Variants in KHDRBS2 observed in about 807,000 individuals in gnomAD.
KHDRBS2 encodes KH domain-containing, RNA-binding, signal transduction-associated protein 2.
In KHDRBS2, 26 loss-of-function variants were observed where a neutral mutation model predicts 44.3. The observed-to-expected ratio is 0.59, with a 90% CI of 0.43 to 0.81. The LOEUF is 0.81. KHDRBS2 is among the 40% of genes least tolerant of loss of function. KHDRBS2 has a pLI of 0.00. For synonymous variants in KHDRBS2, 194 were observed against 151.1 expected (o/e 1.28, Z -2.08); for missense variants, 476 against 433.1 (o/e 1.10, Z -0.88).
At chr6:61,770,008 C>T (rs1035891494) in intron 6 of KHDRBS2, among the ~76,000 whole-genome samples, 1 of 152,162 alleles carries the variant, frequency 6.6e-6, no homozygotes, top group African/African-American at 2.4e-5. Flanking sequence ...AACGATCAGG[C>T]AGCAGCATCT....
intron 8 of KHDRBS2, among the ~76,000 whole-genome samples, chr6:61,695,011 CT>C (rs149063932): frequency 1.3e-5 from 2 of 152,014 alleles, no homozygotes; most frequent in African/African-American, 4.8e-5. Context: ...TAATTATTTA[CT>C]TTTTTTCCTG....
chr6:62,048,136 A>T, intron 2 of KHDRBS2, 142 bp from the exon 3 acceptor site: 1 of 593,418 alleles, frequency 1.7e-6, no homozygotes. Context: ...ACACACACAC[A>T]CACACACACA....
At position 61,893,850 on chromosome 6, in the gene KHDRBS2, T is replaced by C. The variant is rs1583374939; in HGVS notation, c.810+785A>G. Among the ~76,000 whole-genome samples the C allele has an allele frequency of 2.0e-5, 3 of 151,940 alleles. 1 individual carries two copies. In the South Asian group the frequency reaches 6.2e-4, roughly 32 times the overall value. On this transcript the variant is annotated intron_variant, in intron 6 of 8. Coordinates refer to ENST00000281156, the MANE Select transcript of KHDRBS2 (RefSeq NM_152688.4). ...CCAACATGGCATATGTAAACATATG[T>C]AACAAACCTGCACGTTGTGCACATG...
At chr6:61,566,837 T>A in the KHDRBS2 span, among the ~76,000 whole-genome samples, 1 of 152,162 alleles carries the variant, frequency 6.6e-6, no homozygotes, top group Admixed American at 6.6e-5. Flanking sequence ...GCATCAAAGA[T>A]GTCCTAAACT....
intron 2 of KHDRBS2, among the ~76,000 whole-genome samples, chr6:62,094,747 G>A (rs928493687): frequency 2.6e-5 from 4 of 151,858 alleles, no homozygotes; most frequent in Non-Finnish European, 5.9e-5. Flanking sequence ...TATGGTGAGA[G>A]TTAAGAATCT....
chr6:61,743,670 G>A (rs2127565113), intron 6 of KHDRBS2, among the ~76,000 whole-genome samples: 2 of 151,946 alleles, frequency 1.3e-5, no homozygotes. Flanking sequence ...TAGGGTACAT[G>A]TGCACAACGT....
In KHDRBS2 at chr6:62,129,662, C is replaced by T. The variant is rs144606442; in HGVS notation, c.219+47523G>A. Among the ~76,000 whole-genome samples, 539 of 152,078 alleles carry T rather than the reference C, an allele frequency of 3.5e-3. 1 individual carries two copies. Among genetic ancestry groups the T allele is most frequent in the Non-Finnish European group, 4.4e-3 (296 of 67,964 alleles). ...TGAACTGTGCTGTCCAATAAGATGGCCACTACTCAAGAGACTATTTAAATT... is the reference window on the plus strand; with the variant it reads ...TGAACTGTGCTGTCCAATAAGATGGTCACTACTCAAGAGACTATTTAAATT... On this transcript the variant is annotated intron_variant, in intron 2 of 8. Coordinates refer to ENST00000281156, the MANE Select transcript of KHDRBS2 (RefSeq NM_152688.4).
chr6:62,125,774 C>A (rs1217080471), intron 2 of KHDRBS2, among the ~76,000 whole-genome samples: 2 of 152,074 alleles, frequency 1.3e-5, no homozygotes, highest in African/African-American at 4.8e-5. Context: ...AGAGGAAGGA[C>A]CCAGTCCTGG....
intron 7 of KHDRBS2, among the ~76,000 whole-genome samples, chr6:61,713,861 A>T (rs1284748231): frequency 6.6e-6 from 1 of 151,764 alleles, no homozygotes; most frequent in Non-Finnish European, 1.5e-5. Flanking sequence ...ATGAAACTAG[A>T]TCCCTATCTT....
intron 4 of KHDRBS2, among the ~76,000 whole-genome samples, chr6:61,972,860 G>C (rs1771721257): frequency 6.6e-6 from 1 of 152,152 alleles, no homozygotes; most frequent in South Asian, 2.1e-4. Flanking sequence ...ATAAAAGACT[G>C]ATCAGCCAGG....
the KHDRBS2 span, among the ~76,000 whole-genome samples, chr6:61,640,598 T>A: frequency 6.6e-6 from 1 of 152,036 alleles, no homozygotes; most frequent in Non-Finnish European, 1.5e-5. Context: ...TACTCATAAC[T>A]GTCTGGCTTA....
At chr6:62,063,531 C>T (rs1370986676) in intron 2 of KHDRBS2, among the ~76,000 whole-genome samples, 1 of 151,496 alleles carries the variant, frequency 6.6e-6, no homozygotes, top group East Asian at 2.0e-4. Context: ...ACAAAAACCA[C>T]ATGATTATCT....
At position 61,718,078 on chromosome 6, in the gene KHDRBS2, C is replaced by T. The variant is rs188124493; in HGVS notation, c.893+14604G>A. ...AAAATGAGGAAAAAAATACCTGCTT[C>T]ATATGTTGTTGCAGGGATTAAATGA... On this transcript the variant is annotated intron_variant, in intron 7 of 8. Transcript: ENST00000281156. Among the ~76,000 whole-genome samples the T allele has an allele frequency of 1.8e-3, 274 of 152,132 alleles. 1 individual carries two copies. The highest frequency in any genetic ancestry group is 6.1e-3 in the African/African-American group (254 of 41,534).
chr6:62,118,897 G>T (rs1264120498), intron 2 of KHDRBS2, among the ~76,000 whole-genome samples: 2 of 152,252 alleles, frequency 1.3e-5, no homozygotes, highest in African/African-American at 4.8e-5. Context: ...GAAGTTTTGG[G>T]ACTCAGACTG....
intron 1 of KHDRBS2, among the ~76,000 whole-genome samples, chr6:62,220,940 T>C (rs1045667828): frequency 6.6e-5 from 10 of 151,966 alleles, no homozygotes; most frequent in African/African-American, 1.9e-4. Context: ...AAATTAATCA[T>C]ATGACCCAGA....
chr6:61,884,123 C>A (rs957673905), intron 6 of KHDRBS2, among the ~76,000 whole-genome samples: 3 of 152,050 alleles, frequency 2.0e-5, no homozygotes, highest in Non-Finnish European at 2.9e-5. Context: ...GCAGCCTGAA[C>A]TCATTTATGG....
intron 3 of KHDRBS2, among the ~76,000 whole-genome samples, chr6:62,007,043 G>C (rs924433698): frequency 6.6e-6 from 1 of 151,978 alleles, no homozygotes; most frequent in Non-Finnish European, 1.5e-5. Flanking sequence ...CTACATGTAA[G>C]ACAAACTGGA....
chr6:62,264,635 A>T lies in KHDRBS2; in HGVS notation c.91+21223T>A, dbSNP rs541187209. 9.9e-5 allele frequency among the ~76,000 whole-genome samples: 15 copies of T among 151,868 alleles called. No homozygotes were observed. In the South Asian group the frequency reaches 2.9e-3, roughly 29 times the overall value. Reference sequence around the variant, plus strand: ...AACAGTTTCAAATGATCTTATTATTATTGTGACATGCAATAATTGACCGAT... The same window carrying T: ...AACAGTTTCAAATGATCTTATTATTTTTGTGACATGCAATAATTGACCGAT... On this transcript the variant is annotated intron_variant, in intron 1 of 8. Coordinates refer to ENST00000281156, the MANE Select transcript of KHDRBS2 (RefSeq NM_152688.4).
intron 2 of KHDRBS2, among the ~76,000 whole-genome samples, chr6:62,146,227 C>T (rs1051454057): frequency 9.2e-5 from 14 of 151,480 alleles, no homozygotes; most frequent in African/African-American, 3.2e-4. Context: ...TAAATTAATA[C>T]CTCCTAAAAA....
Sources: gnomAD v4.1 joint callset for allele counts (sites outside exome capture counted in the v4.1 genomes callset) on GRCh38, gnomAD v4.1.1 for gene constraint, MANE v1.5 for transcripts, NCBI Gene and HGNC (gene_info 2026-07-23, HGNC 2026-07-21) for gene names.